The following RBFOX1 variants were observed in gnomAD, a reference collection of about 807,000 sequenced individuals.
The protein encoded by RBFOX1 is RNA binding protein fox-1 homolog 1.
RBFOX1 carries 8 observed loss-of-function variants against 57.7 expected under a neutral mutation model. The observed-to-expected ratio is 0.14, with a 90% CI of 0.08 to 0.25. RBFOX1 has a LOEUF of 0.25. RBFOX1 is among the 10% of genes least tolerant of loss of function. The pLI is 1.00. For missense variants in RBFOX1, 611 were observed against 548.5 expected (o/e 1.11, Z -1.14); for synonymous variants, 326 against 222.4 (o/e 1.47, Z -4.15).
intron 4 of RBFOX1, among the ~76,000 whole-genome samples, chr16:7,446,126 A>ACC: frequency 6.6e-6 from 1 of 152,202 alleles, no homozygotes; most frequent in African/African-American, 2.4e-5. Flanking sequence ...GCTGTGTGAA[A>ACC]TGACTAATTA....
chr16:5,293,349 C>G (rs998768756), intron 1 of RBFOX1, among the ~76,000 whole-genome samples: 3 of 151,950 alleles, frequency 2.0e-5, no homozygotes, highest in South Asian at 4.2e-4. Context: ...GTTATCACAC[C>G]TCATCCCCAC....
chr16:7,293,695 T>C (rs2095838301), intron 4 of RBFOX1, among the ~76,000 whole-genome samples: 1 of 152,180 alleles, frequency 6.6e-6, no homozygotes, highest in Admixed American at 6.5e-5. Context: ...GGTGAGATTT[T>C]TGAGAGCCAG....
At chr16:6,013,260 A>G (rs1367351060) in intron 4 of RBFOX1, among the ~76,000 whole-genome samples, 1 of 152,230 alleles carries the variant, frequency 6.6e-6, no homozygotes, top group African/African-American at 2.4e-5. Context: ...ATAGCATATA[A>G]ACAAGCCTGC....
At position 7,712,485 on chromosome 16, in the gene RBFOX1, T is replaced by G. The variant is rs2084143857; in HGVS notation, c.*1740T>G. 1 of 152,596 alleles carries G rather than the reference T, an allele frequency of 6.6e-6. No homozygotes were observed. Among genetic ancestry groups the G allele is most frequent in the Non-Finnish European group, 1.5e-5 (1 of 68,046 alleles). The allele number at this position is 152,596 out of a possible 1,614,324, so 9.5% of individuals were successfully genotyped here. A position where few individuals can be genotyped will look rare whatever the true frequency, so the allele number is the denominator to read the frequency against. ...TGGATATTAAACCATCAATAAAGTT[T>G]CACAAGATTTGAAAACAAAGTTTCT... On this transcript the variant is annotated 3_prime_UTR_variant, in exon 16 of 16. Coordinates refer to ENST00000550418, the MANE Select transcript of RBFOX1 (RefSeq NM_018723.4).
intron 2 of RBFOX1, among the ~76,000 whole-genome samples, chr16:6,502,384 T>G (rs1685407341): frequency 1.3e-5 from 2 of 152,158 alleles, no homozygotes; most frequent in African/African-American, 2.4e-5. Context: ...ACCAGTGGTA[T>G]AAGTAAGAGC....
chr16:6,500,813 C>G (rs183911289), intron 2 of RBFOX1, among the ~76,000 whole-genome samples: 1 of 150,858 alleles, frequency 6.6e-6, no homozygotes, highest in East Asian at 2.0e-4. Flanking sequence ...GAAAAATCAT[C>G]GTGTTTTAAA....
At chr16:5,432,919 G>T (rs1027761986) in intron 1 of RBFOX1, among the ~76,000 whole-genome samples, 2 of 152,046 alleles carry the variant, frequency 1.3e-5, no homozygotes, top group African/African-American at 4.8e-5. Context: ...CTGAGTAGCT[G>T]GAATTATAGG....
rs1005373577 is a variant in RBFOX1 at position 7,694,997 on chromosome 16, T to G, written c.996-14059T>G. 2.0e-5 allele frequency among the ~76,000 whole-genome samples: 3 copies of G among 152,074 alleles called. No homozygotes were observed. In the East Asian group the frequency reaches 5.8e-4, roughly 30 times the overall value. Reference sequence around the variant, plus strand: ...TTTGCCCCGTGACTTAAACCCTGCCTTATAAGCAAGTGATCCACACACAAT... The same window carrying G: ...TTTGCCCCGTGACTTAAACCCTGCCGTATAAGCAAGTGATCCACACACAAT... On this transcript the variant is annotated intron_variant, in intron 14 of 15. Coordinates refer to ENST00000550418, the MANE Select transcript of RBFOX1 (RefSeq NM_018723.4).
chr16:6,927,213 C>G (rs933366503), intron 3 of RBFOX1, among the ~76,000 whole-genome samples: 2 of 151,370 alleles, frequency 1.3e-5, no homozygotes, highest in Non-Finnish European at 2.9e-5. Flanking sequence ...TTAACGAAAC[C>G]CTAGGTCCTG....
chr16:5,777,093 C>G (rs888672876), intron 3 of RBFOX1, among the ~76,000 whole-genome samples: 3 of 152,198 alleles, frequency 2.0e-5, no homozygotes, highest in Non-Finnish European at 4.4e-5. Flanking sequence ...GCAAATTACT[C>G]ACACTTTGTG....
At chr16:5,914,418 T>A (rs1488789973) in intron 4 of RBFOX1, among the ~76,000 whole-genome samples, 2 of 152,184 alleles carry the variant, frequency 1.3e-5, no homozygotes, top group Non-Finnish European at 2.9e-5. Flanking sequence ...GAATCCTGAC[T>A]GAGGCTAGAG....
At chr16:7,164,191 C>A (rs879746920) in intron 4 of RBFOX1, among the ~76,000 whole-genome samples, 19 of 152,148 alleles carry the variant, frequency 1.2e-4, no homozygotes, top group Non-Finnish European at 2.4e-4. Context: ...GCTTAGCCCC[C>A]ACATATGAGT....
At chr16:5,874,392 C>A (rs144724953) in intron 4 of RBFOX1, among the ~76,000 whole-genome samples, 1 of 152,198 alleles carries the variant, frequency 6.6e-6, no homozygotes, top group East Asian at 1.9e-4. Flanking sequence ...GGGGCACAGT[C>A]GGGGATTTAC....
At chr16:6,439,704 T>C (rs571840061) in intron 2 of RBFOX1, among the ~76,000 whole-genome samples, 1 of 152,254 alleles carries the variant, frequency 6.6e-6, no homozygotes, top group South Asian at 2.1e-4. Flanking sequence ...GCCCACAATA[T>C]CTTCTAGAGG....
chr16:6,005,284 C>T (rs2060673320), intron 4 of RBFOX1, among the ~76,000 whole-genome samples: 1 of 152,148 alleles, frequency 6.6e-6, no homozygotes, highest in Admixed American at 6.5e-5. Flanking sequence ...TCACACCTTC[C>T]AGGAACTCCA....
At chr16:7,373,931 G>A (rs554617657) in intron 4 of RBFOX1, among the ~76,000 whole-genome samples, 1 of 152,262 alleles carries the variant, frequency 6.6e-6, no homozygotes, top group Admixed American at 6.5e-5. Flanking sequence ...CCTCGTAGCA[G>A]CCCTTTGCAA....
chr16:6,720,624 G>T (rs891173687), intron 3 of RBFOX1, among the ~76,000 whole-genome samples: 1 of 152,084 alleles, frequency 6.6e-6, no homozygotes, highest in Non-Finnish European at 1.5e-5. Flanking sequence ...GAGAATAGTT[G>T]GGGAGAAAGA....
intron 3 of RBFOX1, among the ~76,000 whole-genome samples, chr16:6,695,314 G>A (rs146674553): frequency 7.3e-5 from 11 of 150,930 alleles, no homozygotes; most frequent in African/African-American, 2.4e-4. Context: ...TACTCAGGAG[G>A]CTGAGGCAGG....
At chr16:5,567,034 G>A (rs956174612) in intron 2 of RBFOX1, among the ~76,000 whole-genome samples, 1 of 152,100 alleles carries the variant, frequency 6.6e-6, no homozygotes, top group Non-Finnish European at 1.5e-5. Context: ...AAAGACATTT[G>A]GTTTTTCTGC....
Sources: gnomAD v4.1 joint callset for allele counts (sites outside exome capture counted in the v4.1 genomes callset) on GRCh38, gnomAD v4.1.1 for gene constraint, MANE v1.5 for transcripts, NCBI Gene and HGNC (gene_info 2026-07-23, HGNC 2026-07-21) for gene names.